CAST: variants seen among roughly 807,000 people sequenced by gnomAD.
CAST encodes the protein MIR583 host.
In CAST, 76 loss-of-function variants were observed where a neutral mutation model predicts 119.6. That is an observed-to-expected ratio of 0.64 (90% confidence interval 0.53 to 0.77). The LOEUF (loss-of-function observed/expected upper bound fraction) is 0.77. Among genes scored for constraint, CAST ranks in the 30% least tolerant of loss-of-function variants. CAST has a pLI of 0.00. For missense variants in CAST, 953 were observed against 946.5 expected, an observed-to-expected ratio of 1.01 and a Z score of -0.09; for synonymous variants, 319 against 331.6, an observed-to-expected ratio of 0.96 and a Z score of 0.41.
the CAST span, chr5:96,394,851 G>C: frequency 8.8e-5 from 142 of 1,613,408 alleles, no homozygotes; most frequent in Non-Finnish European, 1.2e-4. Context: ...GCCAAGAACA[G>C]AGCCACACAG....
At chr5:96,293,440 G>A in the CAST span, among the ~76,000 whole-genome samples, 16 of 151,896 alleles carry the variant, frequency 1.1e-4, no homozygotes, top group Non-Finnish European at 1.8e-4. Flanking sequence ...ACCACGCCCC[G>A]GCTAATTTTT....
At chr5:96,596,076 T>C (rs1024476241) in intron 1 of CAST, among the ~76,000 whole-genome samples, 7 of 152,194 alleles carry the variant, frequency 4.6e-5, no homozygotes, top group Admixed American at 4.6e-4. Context: ...GAATCATGCC[T>C]CTTCCAAAGA....
chr5:96,498,384 T>C, the CAST span, among the ~76,000 whole-genome samples: 16 of 152,210 alleles, frequency 1.1e-4, no homozygotes, highest in Non-Finnish European at 1.8e-4. Context: ...AGTAGTTTTT[T>C]CCAATTCTGT....
chr5:96,708,551 C>T lies in CAST; in HGVS notation c.210+12644C>T, dbSNP rs187205043. 8.7e-4 allele frequency among the ~76,000 whole-genome samples: 133 copies of T among 152,194 alleles called. 1 individual carries two copies. The highest frequency in any genetic ancestry group is 2.9e-3 in the African/African-American group (120 of 41,510). On this transcript the variant is annotated intron_variant, in intron 3 of 31. Coordinates refer to ENST00000675179, the MANE Select transcript of CAST (RefSeq NM_001750.7). ...TGTCACTCAGGCTGGAGTGCAGTGG[C>T]ACAATCACAGCTCACTGCAGCCTTG...
the CAST span, among the ~76,000 whole-genome samples, chr5:96,181,476 A>G: frequency 6.6e-6 from 1 of 152,082 alleles, no homozygotes; most frequent in African/African-American, 2.4e-5. Context: ...GCCACAGTTA[A>G]CCTTCCAAAC....
chr5:96,424,342 C>G, the CAST span, among the ~76,000 whole-genome samples: 2 of 152,112 alleles, frequency 1.3e-5, no homozygotes, highest in African/African-American at 4.8e-5. Context: ...GAACTGTACA[C>G]AGATTGTTGG....
chr5:96,370,579 G>A, the CAST span, among the ~76,000 whole-genome samples: 5 of 152,196 alleles, frequency 3.3e-5, no homozygotes, highest in African/African-American at 1.2e-4. Context: ...GAAATTCACA[G>A]GCATAGCAGC....
intron 1 of CAST, among the ~76,000 whole-genome samples, chr5:96,589,376 A>AT (rs1561424177): frequency 6.6e-6 from 1 of 152,322 alleles, no homozygotes; most frequent in African/African-American, 2.4e-5. Flanking sequence ...ATATCATAGT[A>AT]TGTCAATCCT....
At chr5:96,209,714 T>C in the CAST span, among the ~76,000 whole-genome samples, 3 of 142,148 alleles carry the variant, frequency 2.1e-5, no homozygotes, top group Admixed American at 2.1e-4. Flanking sequence ...TATTAGCCTG[T>C]CAAATTTCCC....
chr5:96,353,963 T>C, the CAST span, among the ~76,000 whole-genome samples: 3 of 152,190 alleles, frequency 2.0e-5, no homozygotes, highest in Non-Finnish European at 2.9e-5. Context: ...GCTTTTCATA[T>C]AGTCTTCCAC....
chr5:96,204,069 A>T, the CAST span, among the ~76,000 whole-genome samples: 1 of 152,012 alleles, frequency 6.6e-6, no homozygotes, highest in Admixed American at 6.6e-5. Flanking sequence ...TGTTATTGAA[A>T]AGGGGAGAGT....
intron 1 of CAST, among the ~76,000 whole-genome samples, chr5:96,607,886 A>G (rs1747290136): frequency 6.6e-6 from 1 of 152,228 alleles, no homozygotes; most frequent in Non-Finnish European, 1.5e-5. Context: ...ATGGCTCAGT[A>G]TACATTTTGT....
At chr5:96,008,626 C>G in the CAST span, among the ~76,000 whole-genome samples, 1 of 152,090 alleles carries the variant, frequency 6.6e-6, no homozygotes, top group Non-Finnish European at 1.5e-5. Context: ...TCAAAACAAA[C>G]AACATAATCC....
intron 17 of CAST, among the ~76,000 whole-genome samples, 158 bp from the exon 18 acceptor site, chr5:96,747,187 A>G (rs943034443): frequency 2.0e-5 from 3 of 152,094 alleles, no homozygotes; most frequent in Admixed American, 1.3e-4. Flanking sequence ...TCCTTTTTTT[A>G]TACTTTATAA....
At chr5:96,453,587 A>G in the CAST span, among the ~76,000 whole-genome samples, 7 of 152,166 alleles carry the variant, frequency 4.6e-5, no homozygotes, top group Non-Finnish European at 8.8e-5. Flanking sequence ...GATAGAAGAG[A>G]TCCAGTGTGG....
chr5:96,417,228 G>T, the CAST span, among the ~76,000 whole-genome samples: 3 of 152,104 alleles, frequency 2.0e-5, no homozygotes, highest in Non-Finnish European at 2.9e-5. Context: ...TCTTTTTCCT[G>T]AAGTAGCAAA....
intron 1 of CAST, among the ~76,000 whole-genome samples, chr5:96,570,768 C>A (rs1746554403): frequency 6.6e-6 from 1 of 152,124 alleles, no homozygotes; most frequent in African/African-American, 2.4e-5. Flanking sequence ...GAATGCAATG[C>A]TGAAACATCA....
the CAST span, among the ~76,000 whole-genome samples, chr5:96,079,641 G>A: frequency 1.6e-4 from 24 of 152,194 alleles, no homozygotes; most frequent in African/African-American, 5.8e-4. Flanking sequence ...CCCCTTCAGA[G>A]GCAACCACTA....
At chr5:96,684,918 C>A (rs1400740860) in intron 2 of CAST, among the ~76,000 whole-genome samples, 1 of 151,736 alleles carries the variant, frequency 6.6e-6, no homozygotes, top group African/African-American at 2.4e-5. Flanking sequence ...TAAGGATGTA[C>A]TTTTTAAAAA....
Sources: allele counts gnomAD v4.1 joint callset (sites outside exome capture counted in the v4.1 genomes callset), GRCh38; gene constraint gnomAD v4.1.1; transcripts MANE v1.5; gene names NCBI Gene and HGNC (gene_info 2026-07-23, HGNC 2026-07-21).